The following KCNIP1 variants were observed in gnomAD, a reference collection of about 807,000 sequenced individuals.
KCNIP1 encodes the protein potassium voltage-gated channel interacting protein 1.
A neutral mutation model predicts 33.0 loss-of-function variants in KCNIP1; 18 were observed. The ratio of observed to expected loss-of-function variants is 0.55; its 90% CI spans 0.38 to 0.81. The LOEUF is 0.81. Ranked by LOEUF, KCNIP1 falls within the 30% of genes least tolerant of loss-of-function variation. The pLI is 0.00. For synonymous variants in KCNIP1, 93 were observed against 98.3 expected (o/e 0.95, Z 0.32); for missense variants, 238 against 271.6 (o/e 0.88, Z 0.87).
intron 1 of KCNIP1, among the ~76,000 whole-genome samples, chr5:170,586,088 T>TG (rs1466239375): frequency 1.3e-5 from 2 of 152,210 alleles, no homozygotes; most frequent in African/African-American, 4.8e-5. Flanking sequence ...ATCTGTAAAA[T>TG]GGGGATAATT....
At chr5:170,483,082 G>T in intron 1 of KCNIP1, 1 of 454,498 alleles carries the variant, frequency 2.2e-6, no homozygotes, top group Non-Finnish European at 4.4e-6. Flanking sequence ...GTGGAACTGG[G>T]GCCCGCAGAG....
chr5:170,503,953 TC>T, upstream of KCNIP1: 1 of 312,788 alleles, frequency 3.2e-6, no homozygotes, highest in Non-Finnish European at 4.5e-6. Flanking sequence ...CGTGCAGCCC[TC>T]GCCCCCGCCC....
intron 2 of KCNIP1, 89 bp from the exon 3 acceptor site, chr5:170,720,232 T>C: frequency 1.1e-6 from 1 of 908,254 alleles, no homozygotes; most frequent in Non-Finnish European, 1.8e-6. Context: ...CTGGGGATCA[T>C]GAGGAACCCC....
chr5:170,480,613 GTAT>G (rs1561644731), intron 1 of KCNIP1, among the ~76,000 whole-genome samples: 1 of 150,804 alleles, frequency 6.6e-6, no homozygotes, highest in African/African-American at 2.4e-5. Context: ...TTAATTTTTT[GTAT>G]TTTTTGTATT....
intron 1 of KCNIP1, among the ~76,000 whole-genome samples, chr5:170,696,586 G>A (rs959586106): frequency 2.0e-5 from 3 of 152,080 alleles, no homozygotes; most frequent in African/African-American, 7.2e-5. Flanking sequence ...CAACTCCATG[G>A]GCACCATGCA....
intron 5 of KCNIP1, among the ~76,000 whole-genome samples, chr5:170,730,512 C>A (rs145909743): frequency 2.6e-5 from 4 of 152,178 alleles, no homozygotes; most frequent in African/African-American, 4.8e-5. Flanking sequence ...GAGAGAGCAA[C>A]AAAATTGCTC....
intron 1 of KCNIP1, among the ~76,000 whole-genome samples, chr5:170,485,459 C>T (rs1214568617): frequency 6.6e-6 from 1 of 152,236 alleles, no homozygotes; most frequent in East Asian, 1.9e-4. Context: ...TGGCCCAGAG[C>T]TGAGCCCTGT....
At chr5:170,433,718 T>G (rs1337567639) in intron 1 of KCNIP1, among the ~76,000 whole-genome samples, 1 of 152,198 alleles carries the variant, frequency 6.6e-6, no homozygotes, top group Non-Finnish European at 1.5e-5. Flanking sequence ...ATAAAGGAAA[T>G]CTGCCTCTGT....
intron 1 of KCNIP1, chr5:170,378,730 G>C (rs1268160016): frequency 1.2e-6 from 2 of 1,613,758 alleles, no homozygotes; most frequent in Non-Finnish European, 1.7e-6. Flanking sequence ...AGGATGGACA[G>C]GTACTGGTTG....
intron 1 of KCNIP1, among the ~76,000 whole-genome samples, chr5:170,562,632 C>T (rs1383989970): frequency 6.6e-6 from 1 of 152,210 alleles, no homozygotes; most frequent in Non-Finnish European, 1.5e-5. Flanking sequence ...GCCTCATTTC[C>T]TCATCCCCTG....
chr5:170,404,721 C>G (rs2052310330), intron 1 of KCNIP1, among the ~76,000 whole-genome samples: 1 of 152,206 alleles, frequency 6.6e-6, no homozygotes. Flanking sequence ...CCAAGCAGAT[C>G]ATGAGGCTAG....
chr5:170,593,467 C>T (rs1167049953), intron 1 of KCNIP1, among the ~76,000 whole-genome samples: 2 of 152,144 alleles, frequency 1.3e-5, no homozygotes, highest in African/African-American at 4.8e-5. Flanking sequence ...GTGTGGAGGC[C>T]GAGTAACACC....
At chr5:170,664,896 T>C (rs1166074995) in intron 1 of KCNIP1, among the ~76,000 whole-genome samples, 1 of 152,134 alleles carries the variant, frequency 6.6e-6, no homozygotes, top group Non-Finnish European at 1.5e-5. Flanking sequence ...GAGCACTCAG[T>C]AGGTCCATGG....
chr5:170,491,630 A>G (rs1015479007), intron 1 of KCNIP1, among the ~76,000 whole-genome samples: 2 of 152,228 alleles, frequency 1.3e-5, no homozygotes, highest in African/African-American at 4.8e-5. Context: ...TCTTAAGGGC[A>G]TTTAGTAAAG....
At chr5:170,453,475 G>C (rs1756303570) in intron 1 of KCNIP1, among the ~76,000 whole-genome samples, 1 of 152,182 alleles carries the variant, frequency 6.6e-6, no homozygotes, top group African/African-American at 2.4e-5. Context: ...TTCCTTTTTA[G>C]AAAATCTGAA....
intron 1 of KCNIP1, among the ~76,000 whole-genome samples, chr5:170,590,146 A>G (rs76765435): frequency 0.011 from 1,623 of 152,260 alleles, 27 homozygotes; most frequent in African/African-American, 0.036. Flanking sequence ...TTGGAAACTC[A>G]GAGCCTGCAG....
rs1417958477 is a variant in KCNIP1, at chr5:170,549,653, A to G, written c.61+45020A>G. On this transcript the variant is annotated intron_variant, in intron 1 of 7. Transcript: ENST00000328939. ...TGTTCCTTGAAACACTAGACCATGA[A>G]AAGTCCTTTATGTTGAAATATGCTT... is the stretch of plus-strand genomic sequence containing the variant. Among the ~76,000 whole-genome samples, 4 of 152,238 alleles carry G rather than the reference A, an allele frequency of 2.6e-5. 1 individual carries two copies. The highest frequency in any genetic ancestry group is 4.1e-4 in the South Asian group (2 of 4,830).
intron 1 of KCNIP1, among the ~76,000 whole-genome samples, chr5:170,357,832 A>G (rs756717292): frequency 6.6e-6 from 1 of 152,138 alleles, no homozygotes; most frequent in Non-Finnish European, 1.5e-5. Context: ...CAGCCACTGG[A>G]TGACTTTAGA....
intron 1 of KCNIP1, among the ~76,000 whole-genome samples, chr5:170,417,942 A>G (rs1755374312): frequency 6.6e-6 from 1 of 152,168 alleles, no homozygotes; most frequent in African/African-American, 2.4e-5. Flanking sequence ...CACACAGCTT[A>G]TAAGCCTCCT....
Sources: gnomAD v4.1 joint callset for allele counts (sites outside exome capture counted in the v4.1 genomes callset) on GRCh38, gnomAD v4.1.1 for gene constraint, MANE v1.5 for transcripts, NCBI Gene and HGNC (gene_info 2026-07-23, HGNC 2026-07-21) for gene names.